The following FAM110B variants were observed in gnomAD, a reference collection of about 807,000 sequenced individuals.
FAM110B encodes family with sequence similarity 110 member B.
In FAM110B, 6 loss-of-function variants were observed where a neutral mutation model predicts 20.4. The ratio of observed to expected loss-of-function variants is 0.29; its 90% CI spans 0.16 to 0.58. The LOEUF is 0.58. Ranked by LOEUF, FAM110B falls within the 20% of genes least tolerant of loss-of-function variation. The probability of loss-of-function intolerance (pLI) is 0.90; values close to 1 mark genes in which losing one functional copy is unlikely to be tolerated. For synonymous variants in FAM110B, 226 were observed against 214.1 expected (o/e 1.06, Z -0.49); for missense variants, 434 against 498.2 (o/e 0.87, Z 1.23).
At chr8:58,061,221 G>C (rs1563355082) in intron 2 of FAM110B, among the ~76,000 whole-genome samples, 1 of 152,144 alleles carries the variant, frequency 6.6e-6, no homozygotes, top group Non-Finnish European at 1.5e-5. Context: ...GTAAAACATT[G>C]AAAATACCAT....
At chr8:58,032,145 C>T (rs567084588) in intron 2 of FAM110B, 1 of 152,340 alleles carries the variant, frequency 6.6e-6, no homozygotes, top group Non-Finnish European at 1.5e-5. Context: ...TTCTCCCAGC[C>T]CTCTGAACTT....
intron 2 of FAM110B, among the ~76,000 whole-genome samples, chr8:58,059,275 G>A (rs190034468): frequency 2.0e-5 from 3 of 152,282 alleles, no homozygotes; most frequent in African/African-American, 7.2e-5. Flanking sequence ...GTGGACATAC[G>A]TTTTTATAGA....
intron 2 of FAM110B, among the ~76,000 whole-genome samples, chr8:58,062,379 A>G (rs1805674611): frequency 6.6e-6 from 1 of 152,228 alleles, no homozygotes; most frequent in Non-Finnish European, 1.5e-5. Flanking sequence ...TACAGATGGA[A>G]TAGAGCTCAG....
chr8:58,008,047 G>C (rs1458137508), intron 1 of FAM110B, among the ~76,000 whole-genome samples: 4 of 151,372 alleles, frequency 2.6e-5, no homozygotes, highest in Admixed American at 1.3e-4. Flanking sequence ...GTTTTTATCT[G>C]TGCTCATAGA....
intron 1 of FAM110B, among the ~76,000 whole-genome samples, chr8:58,015,096 C>T (rs1804611313): frequency 6.6e-6 from 1 of 152,216 alleles, no homozygotes; most frequent in South Asian, 2.1e-4. Flanking sequence ...TGGCTCACGC[C>T]TGTAATCCCA....
At chr8:58,110,433 A>G (rs146094252) in intron 3 of FAM110B, among the ~76,000 whole-genome samples, 53 of 152,320 alleles carry the variant, frequency 3.5e-4, no homozygotes, top group African/African-American at 1.3e-3. Flanking sequence ...TCTTCTTTGG[A>G]GAATCAATGA....
chr8:58,042,202 C>T (rs1257186652), intron 2 of FAM110B, among the ~76,000 whole-genome samples: 4 of 152,102 alleles, frequency 2.6e-5, no homozygotes, highest in Admixed American at 1.3e-4. Context: ...GTGTATGGTA[C>T]TAATTGCATT....
intron 2 of FAM110B, among the ~76,000 whole-genome samples, chr8:58,066,760 C>A (rs1345644399): frequency 6.6e-6 from 1 of 152,176 alleles, no homozygotes; most frequent in Non-Finnish European, 1.5e-5. Flanking sequence ...GTTTCTCTGC[C>A]TGCAGTGACT....
intron 3 of FAM110B, among the ~76,000 whole-genome samples, chr8:58,121,743 C>T (rs77677837): frequency 6.6e-6 from 1 of 152,066 alleles, no homozygotes; most frequent in African/African-American, 2.4e-5. Context: ...ATTATTTTCC[C>T]AAATGTTCCA....
chr8:58,029,698 T>C (rs1448655660), intron 1 of FAM110B, among the ~76,000 whole-genome samples: 1 of 152,230 alleles, frequency 6.6e-6, no homozygotes, highest in Non-Finnish European at 1.5e-5. Context: ...AAGTGGTCAC[T>C]TAACCACTCT....
intron 2 of FAM110B, among the ~76,000 whole-genome samples, chr8:58,054,216 A>G (rs35979674): frequency 0.11 from 16,675 of 152,252 alleles, 1,212 homozygotes; most frequent in Non-Finnish European, 0.15. Context: ...GGAGGCAGCT[A>G]TAGGCTAAAT....
chr8:58,047,268 C>T lies in FAM110B; in HGVS notation c.-414+15565C>T, dbSNP rs187291370. On this transcript the variant is annotated intron_variant, in intron 2 of 3. Coordinates refer to ENST00000519262, the MANE Select transcript of FAM110B (RefSeq NM_001377989.1). ...ATTTCAAATAGTTAAATAATTGTTACGCCTTGGCCCAGGAGTCTCAGCCTA... is the reference window on the plus strand; with the variant it reads ...ATTTCAAATAGTTAAATAATTGTTATGCCTTGGCCCAGGAGTCTCAGCCTA... Among the ~76,000 whole-genome samples the T allele has an allele frequency of 1.1e-4, 17 of 152,264 alleles. No homozygotes were observed. In the South Asian group the frequency reaches 2.5e-3, roughly 22 times the overall value.
chr8:58,128,526 G>A (rs1807568724), intron 3 of FAM110B, among the ~76,000 whole-genome samples: 1 of 151,960 alleles, frequency 6.6e-6, no homozygotes, highest in African/African-American at 2.4e-5. Flanking sequence ...TATTTAAATT[G>A]TCCAGCCATA....
At chr8:58,125,383 A>G (rs1030537845) in intron 3 of FAM110B, among the ~76,000 whole-genome samples, 3 of 152,132 alleles carry the variant, frequency 2.0e-5, no homozygotes, top group African/African-American at 2.4e-5. Flanking sequence ...GAACACTATT[A>G]ATGTGTTAAA....
At chr8:58,096,151 G>T (rs1470266011) in intron 3 of FAM110B, among the ~76,000 whole-genome samples, 1 of 152,048 alleles carries the variant, frequency 6.6e-6, no homozygotes, top group Non-Finnish European at 1.5e-5. Context: ...CATGACATGG[G>T]TCTCCTGAGT....
At chr8:58,103,803 A>G (rs766898481) in intron 3 of FAM110B, among the ~76,000 whole-genome samples, 16 of 152,070 alleles carry the variant, frequency 1.1e-4, no homozygotes, top group Non-Finnish European at 1.6e-4. Context: ...ACAGCCCCAC[A>G]CTGTTCATTT....
chr8:58,068,114 G>A (rs1343343287), intron 2 of FAM110B, among the ~76,000 whole-genome samples: 2 of 152,194 alleles, frequency 1.3e-5, no homozygotes, highest in African/African-American at 4.8e-5. Context: ...GCTGTTAGAT[G>A]TTTCCTAGAG....
At chr8:58,136,002 CCTT>C (rs1175071847) in intron 3 of FAM110B, among the ~76,000 whole-genome samples, 7 of 117,258 alleles carry the variant, frequency 6.0e-5, no homozygotes, top group African/African-American at 9.8e-5. Flanking sequence ...GCCAGCAAGT[CCTT>C]TTTTTTTTTT....
At chr8:58,096,718 C>T (rs562153863) in intron 3 of FAM110B, among the ~76,000 whole-genome samples, 1 of 152,266 alleles carries the variant, frequency 6.6e-6, no homozygotes, top group East Asian at 1.9e-4. Flanking sequence ...CCTTCAGGAG[C>T]TCTTGTAAGG....
Sources: gnomAD v4.1 joint callset for allele counts (sites outside exome capture counted in the v4.1 genomes callset) on GRCh38, gnomAD v4.1.1 for gene constraint, MANE v1.5 for transcripts, NCBI Gene and HGNC (gene_info 2026-07-23, HGNC 2026-07-21) for gene names.